Variants in FAM83B observed in about 807,000 individuals in gnomAD.
FAM83B encodes the protein scaffolding CK1 anchoring protein B.
In FAM83B, 26 loss-of-function variants were observed where a neutral mutation model predicts 38.8. That is an observed-to-expected ratio of 0.67 (90% CI 0.49 to 0.93). The LOEUF (loss-of-function observed/expected upper bound fraction) is 0.93. FAM83B is among the 40% of genes least tolerant of loss of function. The probability of loss-of-function intolerance (pLI) is 0.00; values close to 1 mark genes in which losing one functional copy is unlikely to be tolerated. For synonymous variants in FAM83B, 419 were observed against 423.1 expected, an observed-to-expected ratio of 0.99 and a Z score of 0.12; for missense variants, 1,237 against 1,197.3, an observed-to-expected ratio of 1.03 and a Z score of -0.49.
chr6:54,890,465 A>T (rs1489254906), intron 2 of FAM83B, among the ~76,000 whole-genome samples: 1 of 152,112 alleles, frequency 6.6e-6, no homozygotes, highest in East Asian at 1.9e-4. Flanking sequence ...TAGATTTCCC[A>T]AAGCTTAGTT....
chr6:54,860,043 TTG>T (rs61235878), intron 1 of FAM83B, among the ~76,000 whole-genome samples: 62,831 of 150,450 alleles, frequency 0.42, 13,964 homozygotes, highest in Non-Finnish European at 0.5. Flanking sequence ...ACCACCCTCA[TTG>T]TGTGTGTGTG....
At chr6:54,904,378 C>T (rs1367241435) in intron 2 of FAM83B, among the ~76,000 whole-genome samples, 1 of 152,090 alleles carries the variant, frequency 6.6e-6, no homozygotes, top group African/African-American at 2.4e-5. Flanking sequence ...CAGGTACTGA[C>T]ATTTCTATGT....
At chr6:54,913,903 T>TTA (rs1554148402) in intron 2 of FAM83B, among the ~76,000 whole-genome samples, 1 of 151,432 alleles carries the variant, frequency 6.6e-6, no homozygotes, top group African/African-American at 2.4e-5. Context: ...CTTTTTTTTT[T>TTA]AAAAAAAAGC....
intron 2 of FAM83B, among the ~76,000 whole-genome samples, chr6:54,880,810 G>T (rs1772117363): frequency 6.6e-6 from 1 of 151,952 alleles, no homozygotes; most frequent in African/African-American, 2.4e-5. Context: ...TTCAAGAAAG[G>T]GTTAAGAAAA....
At position 54,870,644 on chromosome 6, in the gene FAM83B, T is replaced by C; in HGVS notation, c.398T>C (p.Leu133Pro). The change falls in exon 2 of 5, where the codon CTT (leucine) becomes CCT (proline). Residue 133 changes from leucine to proline, a missense_variant. Coordinates refer to ENST00000306858, the MANE Select transcript of FAM83B (RefSeq NM_001010872.3). Reference sequence around the variant, plus strand: ...TTTCATCCACCAAGAGCACATCTACTTACGATAAAAGAAACTATTCGGAAG... The same window carrying C: ...TTTCATCCACCAAGAGCACATCTACCTACGATAAAAGAAACTATTCGGAAG... ...LLFHPPRAHLLTIKETIRKMI... is the reference protein window; with the variant it reads ...LLFHPPRAHLPTIKETIRKMI... 6.2e-7 allele frequency: 1 copy of C among 1,611,260 alleles called. No homozygotes were observed. Among genetic ancestry groups the C allele is most frequent in the South Asian group, 1.1e-5 (1 of 90,816 alleles).
chr6:54,929,561 A>G (rs1436749501), intron 4 of FAM83B, among the ~76,000 whole-genome samples: 1 of 152,170 alleles, frequency 6.6e-6, no homozygotes, highest in Non-Finnish European at 1.5e-5. Context: ...ACTGAGAGAT[A>G]ATTTTATAGG....
At chr6:54,898,219 T>C (rs1363555388) in intron 2 of FAM83B, among the ~76,000 whole-genome samples, 1 of 152,112 alleles carries the variant, frequency 6.6e-6, no homozygotes, top group Non-Finnish European at 1.5e-5. Context: ...CCTGACATAC[T>C]GGAACCTGCC....
intron 1 of FAM83B, among the ~76,000 whole-genome samples, chr6:54,851,137 T>A (rs1239397641): frequency 4.6e-5 from 7 of 152,120 alleles, no homozygotes; most frequent in Non-Finnish European, 7.4e-5. Flanking sequence ...TTTACAGTGT[T>A]CCCCTGTGAT....
In FAM83B at chr6:54,941,021, G is replaced by A; in HGVS notation, c.2050G>A (p.Val684Ile). 6.2e-7 allele frequency: 1 copy of A among 1,613,926 alleles called. No individual in the cohort carries two copies. The change falls in exon 5 of 5, where the codon GTA becomes ATA. Residue 684 changes from valine to isoleucine, a missense_variant. By Grantham distance (29) the Val-to-Ile change is conservative. Transcript: ENST00000306858. ...NLDPGNSKHY[V>I]YSTLTRNRVR... is the part of the protein sequence containing the mutation. ...AGATCCTGGAAATAGTAAGCATTATGTATATAGTACACTTACCAGGAATCG... is the reference window on the plus strand; with the variant it reads ...AGATCCTGGAAATAGTAAGCATTATATATATAGTACACTTACCAGGAATCG...
chr6:54,857,644 T>C (rs1448045785), intron 1 of FAM83B, among the ~76,000 whole-genome samples: 1 of 152,168 alleles, frequency 6.6e-6, no homozygotes, highest in Non-Finnish European at 1.5e-5. Context: ...AAATATGGAA[T>C]AACCAACATG....
At chr6:54,920,443 G>T (rs1434555051) in intron 2 of FAM83B, among the ~76,000 whole-genome samples, 1 of 151,764 alleles carries the variant, frequency 6.6e-6, no homozygotes, top group Non-Finnish European at 1.5e-5. Flanking sequence ...ATATTCAGTT[G>T]TGAGGGTGAT....
intron 2 of FAM83B, among the ~76,000 whole-genome samples, chr6:54,916,941 T>C (rs907975326): frequency 2.6e-5 from 4 of 152,190 alleles, no homozygotes; most frequent in Non-Finnish European, 5.9e-5. Flanking sequence ...GTGCTTTCAT[T>C]TGTTGACATT....
At chr6:54,900,297 A>G (rs1259101505) in intron 2 of FAM83B, among the ~76,000 whole-genome samples, 1 of 152,098 alleles carries the variant, frequency 6.6e-6, no homozygotes, top group East Asian at 1.9e-4. Flanking sequence ...GCCCTATCCT[A>G]CCCCATGCTG....
rs374790628 is a variant in FAM83B at position 54,927,642 on chromosome 6, T to C, written c.734+10T>C. 249 of 1,567,550 alleles carry C rather than the reference T, an allele frequency of 1.6e-4. No individual in the cohort carries two copies. In the African/African-American group the frequency reaches 3.1e-3, roughly 20 times the overall value. On this transcript the variant is annotated intron_variant, in intron 4 of 4. Transcript: ENST00000306858. The stretch of plus-strand genomic sequence containing the variant: ...TGTACGGTTCTTACAGGTAAGATCA[T>C]TGTGTTTAACTTCAGTGTTATCAAT...
chr6:54,918,852 A>G (rs916908503), intron 2 of FAM83B, among the ~76,000 whole-genome samples: 31 of 152,122 alleles, frequency 2.0e-4, no homozygotes, highest in Admixed American at 2.0e-3. Context: ...TCTGTCTTCC[A>G]GCATCCCCTC....
At chr6:54,860,881 A>G (rs1771567174) in intron 1 of FAM83B, among the ~76,000 whole-genome samples, 1 of 152,202 alleles carries the variant, frequency 6.6e-6, no homozygotes, top group East Asian at 1.9e-4. Flanking sequence ...TCTTGTGTAC[A>G]TGTTCACAGC....
chr6:54,933,919 A>T (rs6906651), intron 4 of FAM83B, among the ~76,000 whole-genome samples: 8,243 of 152,038 alleles, frequency 0.054, 751 homozygotes, highest in African/African-American at 0.19. Flanking sequence ...GGGCTGGGGG[A>T]AAAGTTTCTC....
intron 1 of FAM83B, 133 bp from the exon 2 acceptor site, chr6:54,870,054 T>C (rs2127575066): frequency 1.8e-6 from 1 of 544,968 alleles, no homozygotes; most frequent in East Asian, 2.9e-5. Flanking sequence ...TCATTTTGGA[T>C]ATGAAATATG....
At chr6:54,897,349 G>A (rs761657191) in intron 2 of FAM83B, among the ~76,000 whole-genome samples, 1 of 152,030 alleles carries the variant, frequency 6.6e-6, no homozygotes, top group Non-Finnish European at 1.5e-5. Flanking sequence ...TGATTGCATT[G>A]TTATGTATTC....
Sources: allele counts gnomAD v4.1 joint callset (sites outside exome capture counted in the v4.1 genomes callset), GRCh38; gene constraint gnomAD v4.1.1; transcripts MANE v1.5; gene names NCBI Gene and HGNC (gene_info 2026-07-23, HGNC 2026-07-21).